The following GPR39 variants were observed in gnomAD, a reference collection of about 807,000 sequenced individuals.
GPR39 encodes the protein zinc sensing receptor.
Under a neutral mutation model 18.4 loss-of-function variants are expected in GPR39, and 23 were observed. The ratio of observed to expected loss-of-function variants is 1.25; its 90% CI spans 0.90 to 1.77. GPR39 has a LOEUF of 1.77. Ranked by LOEUF, GPR39 falls within the 40% of genes most tolerant of loss-of-function variation. GPR39 has a pLI of 0.00. For missense variants in GPR39, 647 were observed against 602.4 expected (o/e 1.07, Z -0.78); for synonymous variants, 280 against 257.9 (o/e 1.09, Z -0.82).
At chr2:132,434,864 A>G (rs1448151123) in intron 1 of GPR39, among the ~76,000 whole-genome samples, 1 of 152,218 alleles carries the variant, frequency 6.6e-6, no homozygotes, top group Admixed American at 6.5e-5. Flanking sequence ...GTTTCAAGAT[A>G]TGGGTCTTAG....
At chr2:132,632,796 G>C (rs899441775) in intron 1 of GPR39, among the ~76,000 whole-genome samples, 2 of 152,166 alleles carry the variant, frequency 1.3e-5, no homozygotes, top group Non-Finnish European at 2.9e-5. Context: ...TTTTAGCTGA[G>C]TATTACCTCT....
chr2:132,589,328 C>G (rs914579805), intron 1 of GPR39, among the ~76,000 whole-genome samples: 21 of 152,308 alleles, frequency 1.4e-4, no homozygotes, highest in African/African-American at 5.1e-4. Flanking sequence ...CCTCAGCTCT[C>G]AAGTCTCCCA....
At chr2:132,643,242 A>G (rs1017811755) in intron 1 of GPR39, among the ~76,000 whole-genome samples, 39 of 152,172 alleles carry the variant, frequency 2.6e-4, no homozygotes, top group African/African-American at 9.2e-4. Context: ...TTTTAGTTTT[A>G]GATTTACTGG....
At chr2:132,520,624 G>C (rs1010738527) in intron 1 of GPR39, among the ~76,000 whole-genome samples, 3 of 152,218 alleles carry the variant, frequency 2.0e-5, no homozygotes, top group African/African-American at 7.2e-5. Flanking sequence ...TGCCTGCCAG[G>C]CATGGTGATG....
At chr2:132,488,333 CA>C (rs1312121127) in intron 1 of GPR39, among the ~76,000 whole-genome samples, 3 of 152,012 alleles carry the variant, frequency 2.0e-5, no homozygotes, top group African/African-American at 7.2e-5. Context: ...ACATGCCTGT[CA>C]TTATCAAAAA....
rs1682096241 is a variant in GPR39, at chr2:132,646,562, T to TA, written c.*957dup. 4 of 320,662 alleles carry TA rather than the reference T, an allele frequency of 1.2e-5. No individual in the cohort carries two copies. The highest frequency in any genetic ancestry group is 2.3e-5 in the Non-Finnish European group (4 of 177,486). The allele number at this position is 320,662 out of a possible 1,614,324, so 19.9% of individuals were successfully genotyped here. A position where few individuals can be genotyped will look rare whatever the true frequency, so the allele number is the denominator to read the frequency against. On this transcript the variant is annotated 3_prime_UTR_variant, in exon 2 of 2. Coordinates refer to ENST00000329321, the MANE Select transcript of GPR39 (RefSeq NM_001508.3). ...TAAAGAGCTGTTAAATAGACTTATTTACATTTTAAGTCAGAGTTCACACTG... is the reference window on the plus strand; with the variant it reads ...TAAAGAGCTGTTAAATAGACTTATTTAACATTTTAAGTCAGAGTTCACACTG...
At chr2:132,455,273 G>A (rs1360575820) in intron 1 of GPR39, among the ~76,000 whole-genome samples, 1 of 152,150 alleles carries the variant, frequency 6.6e-6, no homozygotes, top group Non-Finnish European at 1.5e-5. Flanking sequence ...TTGCATAGAG[G>A]TGTTTATAGT....
rs1204769289 is a variant in GPR39 at position 132,418,050 on chromosome 2, G to A, written c.856+152G>A. 1.2e-5 allele frequency: 11 copies of A among 934,338 alleles called. No individual in the cohort carries two copies. In the East Asian group the frequency reaches 2.3e-4, roughly 20 times the overall value. The allele number at this position is 934,338 out of a possible 1,614,324, so 57.9% of individuals were successfully genotyped here. ...GGAAGAGTCTTGTAGCAGTATGAGGGCATTGCTCTGGGTCTCTGAATGTTT... is the reference window on the plus strand; with the variant it reads ...GGAAGAGTCTTGTAGCAGTATGAGGACATTGCTCTGGGTCTCTGAATGTTT... On this transcript the variant is annotated intron_variant, in intron 1 of 1. Transcript: ENST00000329321.
At chr2:132,504,139 A>G (rs1075655) in intron 1 of GPR39, among the ~76,000 whole-genome samples, 52,286 of 152,016 alleles carry the variant, frequency 0.34, 10,228 homozygotes, top group East Asian at 0.79. Flanking sequence ...ATGTTCCTGC[A>G]GTCGTTTTTG....
intron 1 of GPR39, among the ~76,000 whole-genome samples, chr2:132,480,722 A>T (rs1681217717): frequency 6.6e-6 from 1 of 152,178 alleles, no homozygotes; most frequent in Non-Finnish European, 1.5e-5. Flanking sequence ...GTGGGGAGAT[A>T]AGGAGTTTGG....
intron 1 of GPR39, among the ~76,000 whole-genome samples, chr2:132,476,046 T>C (rs1305762445): frequency 6.6e-6 from 1 of 152,166 alleles, no homozygotes; most frequent in East Asian, 1.9e-4. Context: ...CTTTTTTTTT[T>C]TCTCTTTTTA....
chr2:132,531,134 G>C (rs930296164), intron 1 of GPR39, among the ~76,000 whole-genome samples: 1 of 152,066 alleles, frequency 6.6e-6, no homozygotes, highest in African/African-American at 2.4e-5. Flanking sequence ...ACACATATAG[G>C]CTCAAAATAA....
At chr2:132,581,441 A>T (rs1573679569) in intron 1 of GPR39, among the ~76,000 whole-genome samples, 1 of 151,728 alleles carries the variant, frequency 6.6e-6, no homozygotes, top group South Asian at 2.1e-4. Context: ...GGCCTTGCAG[A>T]TGCTTTTAAA....
intron 1 of GPR39, among the ~76,000 whole-genome samples, chr2:132,447,671 T>A (rs1440461562): frequency 6.6e-6 from 1 of 151,880 alleles, no homozygotes; most frequent in East Asian, 1.9e-4. Flanking sequence ...TCCAAAAATA[T>A]TTGTTTTTTA....
chr2:132,532,845 T>C (rs1342331471), intron 1 of GPR39, among the ~76,000 whole-genome samples: 4 of 152,126 alleles, frequency 2.6e-5, no homozygotes, highest in Non-Finnish European at 5.9e-5. Flanking sequence ...GGGACACATC[T>C]CAAAATAATA....
chr2:132,474,402 G>T (rs1200767415), intron 1 of GPR39, among the ~76,000 whole-genome samples: 1 of 152,136 alleles, frequency 6.6e-6, no homozygotes, highest in African/African-American at 2.4e-5. Flanking sequence ...AGTAATAGAT[G>T]GTACCTGGAA....
At position 132,503,034 on chromosome 2, in the gene GPR39, A is replaced by G. The variant is rs182783019; in HGVS notation, c.856+85136A>G. 1.6e-3 allele frequency among the ~76,000 whole-genome samples: 250 copies of G among 152,308 alleles called. 5 individuals are homozygous for G. The highest frequency in any genetic ancestry group is 1.0e-4 in the Non-Finnish European group (7 of 68,026). ...ATCCTTCTCTGGTGCCTCCTTGATT[A>G]GATTAATACTTGACTTTCTGAATTA... On this transcript the variant is annotated intron_variant, in intron 1 of 1. Transcript: ENST00000329321.
At chr2:132,560,021 A>G (rs1680221647) in intron 1 of GPR39, among the ~76,000 whole-genome samples, 1 of 152,054 alleles carries the variant, frequency 6.6e-6, no homozygotes, top group African/African-American at 2.4e-5. Context: ...GGCACACTTC[A>G]GCTGTACTGC....
At chr2:132,544,228 T>A (rs1679905223) in intron 1 of GPR39, among the ~76,000 whole-genome samples, 1 of 152,226 alleles carries the variant, frequency 6.6e-6, no homozygotes, top group Admixed American at 6.5e-5. Context: ...TGTTACTATC[T>A]TCCTGCTTAT....
Sources: allele counts gnomAD v4.1 joint callset (sites outside exome capture counted in the v4.1 genomes callset), GRCh38; gene constraint gnomAD v4.1.1; transcripts MANE v1.5; gene names NCBI Gene and HGNC (gene_info 2026-07-23, HGNC 2026-07-21).